The following CCSER1 variants were observed in gnomAD, a reference collection of about 807,000 sequenced individuals.
The protein encoded by CCSER1 is coiled-coil serine rich protein 1.
CCSER1 carries 41 observed loss-of-function variants against 82.0 expected under a neutral mutation model. The observed-to-expected ratio is 0.50, with a 90% CI of 0.39 to 0.65. The LOEUF (loss-of-function observed/expected upper bound fraction) is 0.65. Among genes scored for constraint, CCSER1 ranks in the 30% least tolerant of loss-of-function variants. The pLI is 0.00. For synonymous variants in CCSER1, 414 were observed against 383.9 expected (o/e 1.08, Z -0.92); for missense variants, 1,119 against 1,064.2 (o/e 1.05, Z -0.72).
intron 9 of CCSER1, among the ~76,000 whole-genome samples, chr4:90,927,118 T>G (rs550064150): frequency 2.0e-4 from 31 of 152,166 alleles, no homozygotes; most frequent in African/African-American, 7.5e-4. Context: ...CTTTCATTAA[T>G]TTGACATCTT....
chr4:90,348,955 T>A (rs1019542315), intron 3 of CCSER1, among the ~76,000 whole-genome samples: 3 of 152,180 alleles, frequency 2.0e-5, no homozygotes, highest in African/African-American at 7.2e-5. Context: ...GCATTTTTTA[T>A]TTATCTCTGT....
At chr4:91,341,569 T>C (rs1747721356) in intron 10 of CCSER1, among the ~76,000 whole-genome samples, 1 of 152,222 alleles carries the variant, frequency 6.6e-6, no homozygotes, top group Admixed American at 6.5e-5. Flanking sequence ...TTTTTGTTTT[T>C]GAGACAGGGT....
intron 8 of CCSER1, chr4:90,911,246 C>T (rs1391496120): frequency 1.1e-5 from 5 of 455,834 alleles, no homozygotes; most frequent in Non-Finnish European, 2.2e-5. Flanking sequence ...TTTAGTGTCT[C>T]CTTGATAGCT....
intron 6 of CCSER1, among the ~76,000 whole-genome samples, chr4:90,707,060 A>G (rs545979725): frequency 5.3e-5 from 8 of 152,160 alleles, no homozygotes; most frequent in African/African-American, 1.4e-4. Context: ...ATGCCATCAG[A>G]CTGTATCACT....
At chr4:91,465,452 C>G (rs1756832392) in intron 10 of CCSER1, among the ~76,000 whole-genome samples, 1 of 151,900 alleles carries the variant, frequency 6.6e-6, no homozygotes, top group African/African-American at 2.4e-5. Flanking sequence ...ACTAGAGAAG[C>G]AAGAGCAAAC....
chr4:91,284,184 G>T (rs1305545049), intron 10 of CCSER1, among the ~76,000 whole-genome samples: 1 of 152,016 alleles, frequency 6.6e-6, no homozygotes, highest in Non-Finnish European at 1.5e-5. Context: ...ACTCAGTAAG[G>T]TTTCTTAAGT....
At chr4:90,674,026 G>A (rs1474965857) in intron 6 of CCSER1, among the ~76,000 whole-genome samples, 1 of 151,912 alleles carries the variant, frequency 6.6e-6, no homozygotes, top group Non-Finnish European at 1.5e-5. Context: ...TAACTCTCTT[G>A]ATGTTGACAT....
intron 1 of CCSER1, among the ~76,000 whole-genome samples, chr4:90,138,452 C>T (rs958970338): frequency 6.6e-6 from 1 of 152,216 alleles, no homozygotes; most frequent in Non-Finnish European, 1.5e-5. Flanking sequence ...ACACTGCCCT[C>T]CCTGGCTATT....
At chr4:90,562,487 C>T (rs1448613929) in intron 5 of CCSER1, among the ~76,000 whole-genome samples, 1 of 152,034 alleles carries the variant, frequency 6.6e-6, no homozygotes, top group South Asian at 2.1e-4. Context: ...GCTTCACCTA[C>T]TTGCAAAAAA....
At chr4:91,511,974 G>A (rs752924446) in intron 10 of CCSER1, among the ~76,000 whole-genome samples, 1 of 152,040 alleles carries the variant, frequency 6.6e-6, no homozygotes, top group Non-Finnish European at 1.5e-5. Flanking sequence ...AAAAGGTTGG[G>A]GATTACTGAT....
At position 90,434,082 on chromosome 4, in the gene CCSER1, T is replaced by C. The variant is rs180863171; in HGVS notation, c.1603+33953T>C. On this transcript the variant is annotated intron_variant, in intron 4 of 10. Coordinates refer to ENST00000509176, the MANE Select transcript of CCSER1 (RefSeq NM_001145065.2). Reference sequence around the variant, plus strand: ...ATGGTTGAAGGTTTTTTGTTTCTCTTTGTCAGTTTTCTCTTTTGAATTTTA... The same window carrying C: ...ATGGTTGAAGGTTTTTTGTTTCTCTCTGTCAGTTTTCTCTTTTGAATTTTA... Among the ~76,000 whole-genome samples the C allele has an allele frequency of 2.6e-5, 4 of 152,082 alleles. No individual in the cohort carries two copies. The South Asian group carries it at 8.3e-4, about 31-fold the overall frequency.
intron 10 of CCSER1, among the ~76,000 whole-genome samples, chr4:91,547,715 G>T (rs898157602): frequency 5.3e-5 from 8 of 152,086 alleles, no homozygotes; most frequent in Admixed American, 1.3e-4. Context: ...TATCATATTT[G>T]TTTCTATTTT....
At chr4:90,395,259 T>G (rs749095998) in intron 3 of CCSER1, among the ~76,000 whole-genome samples, 5 of 152,218 alleles carry the variant, frequency 3.3e-5, no homozygotes, top group Non-Finnish European at 5.9e-5. Context: ...GATTTCCTAC[T>G]TTTAGCCACT....
chr4:91,007,871 G>T (rs958278880), intron 9 of CCSER1, among the ~76,000 whole-genome samples: 5 of 151,938 alleles, frequency 3.3e-5, no homozygotes, highest in Admixed American at 2.6e-4. Context: ...TGACATTGAT[G>T]CTTGTTGCCA....
chr4:91,162,686 C>T (rs536554208), intron 10 of CCSER1, among the ~76,000 whole-genome samples: 4 of 152,246 alleles, frequency 2.6e-5, no homozygotes, highest in African/African-American at 7.2e-5. Context: ...GGAATCTATC[C>T]ATTTCTTCTA....
At chr4:91,087,918 C>A (rs546609806) in intron 10 of CCSER1, among the ~76,000 whole-genome samples, 184 of 152,114 alleles carry the variant, frequency 1.2e-3, no homozygotes, top group African/African-American at 4.2e-3. Flanking sequence ...AGGTATAAGA[C>A]AATTAGGTGA....
intron 5 of CCSER1, among the ~76,000 whole-genome samples, chr4:90,531,851 C>A (rs1774574598): frequency 6.6e-6 from 1 of 152,072 alleles, no homozygotes; most frequent in Non-Finnish European, 1.5e-5. Context: ...GCTCAAATGG[C>A]ACCAAATAAG....
chr4:90,946,495 G>T (rs28591264), intron 9 of CCSER1, among the ~76,000 whole-genome samples: 18,152 of 151,922 alleles, frequency 0.12, 1,525 homozygotes, highest in African/African-American at 0.24. Flanking sequence ...GCCAGGCGTG[G>T]TTCCAGGCGC....
chr4:90,887,535 C>A (rs146440642), intron 8 of CCSER1, among the ~76,000 whole-genome samples: 99 of 152,222 alleles, frequency 6.5e-4, no homozygotes, highest in Non-Finnish European at 1.1e-3. Flanking sequence ...TATTCGGGAA[C>A]CTCAGAAATT....
Sources: gnomAD v4.1 joint callset for allele counts (sites outside exome capture counted in the v4.1 genomes callset) on GRCh38, gnomAD v4.1.1 for gene constraint, MANE v1.5 for transcripts, NCBI Gene and HGNC (gene_info 2026-07-23, HGNC 2026-07-21) for gene names.